Variants in SPAG16 observed in about 807,000 individuals in gnomAD.
The protein encoded by SPAG16 is sperm-associated antigen 16 protein.
Under a neutral mutation model 80.4 loss-of-function variants are expected in SPAG16, and 86 were observed. The observed-to-expected ratio is 1.07, with a 90% confidence interval of 0.90 to 1.28. SPAG16 has a LOEUF of 1.28. Ranked by LOEUF, SPAG16 falls within the 50% of genes most tolerant of loss-of-function variation. SPAG16 has a pLI of 0.00. For missense variants in SPAG16, 870 were observed against 765.3 expected, an observed-to-expected ratio of 1.14 and a Z score of -1.61; for synonymous variants, 294 against 265.9, an observed-to-expected ratio of 1.11 and a Z score of -1.03.
intron 15 of SPAG16, among the ~76,000 whole-genome samples, chr2:214,264,229 C>T (rs1691381648): frequency 6.6e-6 from 1 of 152,050 alleles, no homozygotes; most frequent in South Asian, 2.1e-4. Context: ...TATATAAGAC[C>T]AAGAATATTT....
intron 13 of SPAG16, among the ~76,000 whole-genome samples, chr2:214,030,396 C>T (rs1380808298): frequency 2.0e-5 from 3 of 152,066 alleles, no homozygotes; most frequent in Admixed American, 6.6e-5. Context: ...TCATAACAGC[C>T]GAGATGTAGA....
intron 5 of SPAG16, among the ~76,000 whole-genome samples, chr2:213,335,420 A>G (rs2064306085): frequency 6.6e-6 from 1 of 152,194 alleles, no homozygotes; most frequent in South Asian, 2.1e-4. Context: ...AAAATACACT[A>G]TATATATTTA....
At chr2:214,207,693 C>T (rs2058181423) in intron 15 of SPAG16, among the ~76,000 whole-genome samples, 1 of 152,100 alleles carries the variant, frequency 6.6e-6, no homozygotes, top group South Asian at 2.1e-4. Flanking sequence ...GAGGGTGTTT[C>T]CAAAGGAGAT....
rs578251451 is a variant in SPAG16, at chr2:213,896,395, T to TA, written c.1215-33556dup. 2.8e-3 allele frequency among the ~76,000 whole-genome samples: 422 copies of TA among 150,274 alleles called. 1 individual carries two copies. Among genetic ancestry groups the TA allele is most frequent in the Non-Finnish European group, 5.2e-3 (352 of 67,420 alleles). Reference sequence around the variant, plus strand: ...CTATGGAGAACAGCATGGAGATACCTAAAAAAAAATAGAACTACATATGAT... The same window carrying TA: ...CTATGGAGAACAGCATGGAGATACCTAAAAAAAAAATAGAACTACATATGAT... On this transcript the variant is annotated intron_variant, in intron 11 of 15. Coordinates refer to ENST00000331683, the MANE Select transcript of SPAG16 (RefSeq NM_024532.5).
intron 15 of SPAG16, among the ~76,000 whole-genome samples, chr2:214,153,825 T>G (rs12991971): frequency 0.39 from 59,982 of 151,924 alleles, 14,486 homozygotes; most frequent in Non-Finnish European, 0.53. Context: ...AATCACCCCC[T>G]AGAGTTTAGC....
At chr2:213,522,209 A>G (rs1475438981) in intron 10 of SPAG16, among the ~76,000 whole-genome samples, 2 of 152,206 alleles carry the variant, frequency 1.3e-5, no homozygotes, top group Non-Finnish European at 1.5e-5. Context: ...CCTGGCCACT[A>G]TAAGGAATCT....
intron 15 of SPAG16, among the ~76,000 whole-genome samples, chr2:214,180,574 C>T (rs949060134): frequency 6.9e-6 from 1 of 145,382 alleles, no homozygotes; most frequent in African/African-American, 2.4e-5. Flanking sequence ...TTCATCCTTC[C>T]TTTAAATGAC....
chr2:214,084,501 G>T (rs370357583), intron 13 of SPAG16, among the ~76,000 whole-genome samples: 2 of 152,102 alleles, frequency 1.3e-5, no homozygotes, highest in Admixed American at 6.5e-5. Flanking sequence ...GAATCATAAA[G>T]AGCCTATCAA....
intron 15 of SPAG16, among the ~76,000 whole-genome samples, chr2:214,359,526 G>A (rs1272732574): frequency 6.6e-6 from 1 of 151,864 alleles, no homozygotes; most frequent in Non-Finnish European, 1.5e-5. Context: ...GCTTTTCAAA[G>A]AGCATTTAAT....
intron 10 of SPAG16, among the ~76,000 whole-genome samples, chr2:213,789,366 C>G (rs1030569915): frequency 1.3e-5 from 2 of 151,776 alleles, no homozygotes; most frequent in Non-Finnish European, 3.0e-5. Context: ...TTGAGATTTT[C>G]CAATATCTTA....
chr2:214,101,735 G>T (rs1363193293), intron 13 of SPAG16, among the ~76,000 whole-genome samples: 1 of 152,082 alleles, frequency 6.6e-6, no homozygotes, highest in Admixed American at 6.6e-5. Context: ...TTTTATTTGT[G>T]GGTTAGATGC....
chr2:213,754,861 G>A (rs940403164), intron 10 of SPAG16, among the ~76,000 whole-genome samples: 6 of 152,156 alleles, frequency 3.9e-5, no homozygotes, highest in Admixed American at 6.5e-5. Context: ...CTGACTTTCC[G>A]AAGGCAACTT....
chr2:213,681,053 G>A (rs2064352639), intron 10 of SPAG16, among the ~76,000 whole-genome samples: 1 of 152,134 alleles, frequency 6.6e-6, no homozygotes, highest in South Asian at 2.1e-4. Context: ...GAGAGAGAGA[G>A]CAGGTTATAA....
chr2:213,968,164 T>A (rs200406555), intron 12 of SPAG16, among the ~76,000 whole-genome samples: 4 of 150,086 alleles, frequency 2.7e-5, no homozygotes, highest in South Asian at 2.1e-4. Context: ...TCCTCTTCTC[T>A]TCTCATCTCT....
chr2:213,325,963 G>A (rs1470987196), intron 5 of SPAG16, among the ~76,000 whole-genome samples: 2 of 151,874 alleles, frequency 1.3e-5, no homozygotes, highest in Non-Finnish European at 2.9e-5. Flanking sequence ...AATTTTTAGA[G>A]CAGTTAATTG....
intron 10 of SPAG16, among the ~76,000 whole-genome samples, chr2:213,523,812 G>C (rs1159980196): frequency 1.3e-5 from 2 of 152,210 alleles, no homozygotes; most frequent in Non-Finnish European, 2.9e-5. Flanking sequence ...CTTTGAACTT[G>C]AGATAGATGA....
At chr2:213,553,480 G>A (rs2076845774) in intron 10 of SPAG16, among the ~76,000 whole-genome samples, 1 of 152,098 alleles carries the variant, frequency 6.6e-6, no homozygotes, top group African/African-American at 2.4e-5. Flanking sequence ...TCTTGCCACT[G>A]AGGTAACCAA....
intron 12 of SPAG16, among the ~76,000 whole-genome samples, chr2:213,977,077 C>G (rs2045449492): frequency 6.6e-6 from 1 of 152,014 alleles, no homozygotes; most frequent in African/African-American, 2.4e-5. Flanking sequence ...TATGCCCTCT[C>G]TTTTGCTATA....
At chr2:213,510,780 G>A (rs1278889492) in intron 10 of SPAG16, among the ~76,000 whole-genome samples, 1 of 152,116 alleles carries the variant, frequency 6.6e-6, no homozygotes, top group South Asian at 2.1e-4. Context: ...AGAAACATGT[G>A]TCATATAGTA....
Sources: gnomAD v4.1 joint callset for allele counts (sites outside exome capture counted in the v4.1 genomes callset) on GRCh38, gnomAD v4.1.1 for gene constraint, MANE v1.5 for transcripts, NCBI Gene and HGNC (gene_info 2026-07-23, HGNC 2026-07-21) for gene names.